GRID1: variants seen among roughly 807,000 people sequenced by gnomAD.
The protein encoded by GRID1 is glutamate receptor ionotropic, delta-1.
In GRID1, 28 loss-of-function variants were observed where a neutral mutation model predicts 98.0. The observed-to-expected ratio is 0.29, with a 90% confidence interval of 0.21 to 0.39. The LOEUF (loss-of-function observed/expected upper bound fraction) is 0.39. Among genes scored for constraint, GRID1 ranks in the 10% least tolerant of loss-of-function variants. GRID1 has a pLI of 1.00. For synonymous variants in GRID1, 553 were observed against 538.5 expected (o/e 1.03, Z -0.37); for missense variants, 1,111 against 1,340.5 (o/e 0.83, Z 2.67).
chr10:85,758,384 T>C (rs1026562834), intron 8 of GRID1, among the ~76,000 whole-genome samples: 2 of 152,200 alleles, frequency 1.3e-5, no homozygotes, highest in African/African-American at 4.8e-5. Flanking sequence ...GCAATTTCTT[T>C]CCAAGTTGAC....
At chr10:86,110,748 C>A (rs929965559) in intron 4 of GRID1, among the ~76,000 whole-genome samples, 7 of 152,196 alleles carry the variant, frequency 4.6e-5, no homozygotes, top group African/African-American at 1.7e-4. Context: ...ATGAGGTGGG[C>A]ACCCCAGAAG....
intron 6 of GRID1, among the ~76,000 whole-genome samples, chr10:85,863,497 GAAGGCA>G (rs1464436346): frequency 6.6e-6 from 1 of 152,244 alleles, no homozygotes; most frequent in African/African-American, 2.4e-5. Flanking sequence ...TTGAAACCAG[GAAGGCA>G]CTGACTTTCC....
Position 85,794,041 on chromosome 10 carries a change from C to T in GRID1, c.1233+60455G>A, listed in dbSNP as rs180767822. Among the ~76,000 whole-genome samples, 735 of 152,228 alleles carry T rather than the reference C, an allele frequency of 4.8e-3. 4 individuals carry two copies. Among genetic ancestry groups the T allele is most frequent in the African/African-American group, 0.017 (697 of 41,528 alleles). ...AGCATTTCCCATACTTAGTTCTCTCCGGGGTCTTTCCTTCAAGAAGCATCT... is the reference window on the plus strand; with the variant it reads ...AGCATTTCCCATACTTAGTTCTCTCTGGGGTCTTTCCTTCAAGAAGCATCT... On this transcript the variant is annotated intron_variant, in intron 8 of 15. Transcript: ENST00000327946.
Position 85,949,425 on chromosome 10 carries a change from C to T in GRID1, c.727-33186G>A, listed in dbSNP as rs190988339. ...TGCTTCTTTTTGTCATAAAACAATA[C>T]ATCATGAACATTTTCTCACTCTTTG... is the stretch of plus-strand genomic sequence containing the variant. On this transcript the variant is annotated intron_variant, in intron 4 of 15. Transcript: ENST00000327946. Among the ~76,000 whole-genome samples the T allele has an allele frequency of 3.3e-5, 5 of 152,252 alleles. No homozygotes were observed. The East Asian group carries it at 9.7e-4, about 29-fold the overall frequency.
intron 3 of GRID1, among the ~76,000 whole-genome samples, chr10:86,159,567 A>T (rs1364779216): frequency 6.6e-6 from 1 of 152,212 alleles, no homozygotes; most frequent in Admixed American, 6.5e-5. Flanking sequence ...CACAGTAAAG[A>T]CAACAATGAG....
intron 4 of GRID1, among the ~76,000 whole-genome samples, chr10:86,054,476 T>C (rs1396350423): frequency 3.9e-5 from 6 of 152,264 alleles, no homozygotes; most frequent in South Asian, 2.1e-4. Flanking sequence ...TCAAAAGCAG[T>C]GTCCTGCCAA....
intron 8 of GRID1, among the ~76,000 whole-genome samples, chr10:85,782,012 T>G (rs576215816): frequency 1.3e-5 from 2 of 152,218 alleles, no homozygotes; most frequent in Admixed American, 6.5e-5. Flanking sequence ...TAGTCTTTTT[T>G]GTCAAAATTA....
At chr10:85,610,834 T>C (rs1251560165) in intron 15 of GRID1, among the ~76,000 whole-genome samples, 1 of 152,176 alleles carries the variant, frequency 6.6e-6, no homozygotes, top group Non-Finnish European at 1.5e-5. Flanking sequence ...CATAAAAATA[T>C]GAAAAAGATG....
chr10:85,970,214 T>C (rs1212000347), intron 4 of GRID1, among the ~76,000 whole-genome samples: 2 of 152,084 alleles, frequency 1.3e-5, no homozygotes, highest in African/African-American at 4.8e-5. Flanking sequence ...CCCAGATGTC[T>C]TCACTGGCGA....
intron 13 of GRID1, among the ~76,000 whole-genome samples, chr10:85,630,770 T>C (rs1315739935): frequency 6.6e-6 from 1 of 152,128 alleles, no homozygotes; most frequent in Non-Finnish European, 1.5e-5. Flanking sequence ...ACCCACCAAA[T>C]AAGAGACTCT....
chr10:85,716,577 T>C (rs1841642003), intron 12 of GRID1, among the ~76,000 whole-genome samples: 1 of 148,876 alleles, frequency 6.7e-6, no homozygotes, highest in South Asian at 2.1e-4. Context: ...TAAAATAAAA[T>C]AAAAAAGAAA....
chr10:85,617,307 A>G (rs562055726), intron 14 of GRID1, among the ~76,000 whole-genome samples: 40 of 148,300 alleles, frequency 2.7e-4, no homozygotes, highest in Admixed American at 2.5e-3. Flanking sequence ...ATCTCAGCTC[A>G]CTGCAATCTC....
chr10:85,785,678 C>T (rs986419893), intron 8 of GRID1, among the ~76,000 whole-genome samples: 2 of 152,118 alleles, frequency 1.3e-5, no homozygotes, highest in African/African-American at 4.8e-5. Context: ...GTAAAGCAGC[C>T]TCATTGGACT....
At chr10:85,957,238 G>T (rs533897662) in intron 4 of GRID1, among the ~76,000 whole-genome samples, 1 of 152,194 alleles carries the variant, frequency 6.6e-6, no homozygotes, top group Non-Finnish European at 1.5e-5. Context: ...ATATCACACT[G>T]CCAAAGCTAT....
chr10:85,774,690 G>A lies in GRID1; in HGVS notation c.1234-45076C>T, dbSNP rs996349743. Among the ~76,000 whole-genome samples, 6 of 151,800 alleles carry A rather than the reference G, an allele frequency of 4.0e-5. No individual in the cohort carries two copies. The South Asian group carries it at 8.4e-4, about 21-fold the overall frequency. On this transcript the variant is annotated intron_variant, in intron 8 of 15. Coordinates refer to ENST00000327946, the MANE Select transcript of GRID1 (RefSeq NM_017551.3). Reference sequence around the variant, plus strand: ...GGACATGAACAGACACTTCTGAAAAGAAGACATTTATGCAGCCAAAAAACA... The same window carrying A: ...GGACATGAACAGACACTTCTGAAAAAAAGACATTTATGCAGCCAAAAAACA...
chr10:86,065,455 A>G (rs1843706786), intron 4 of GRID1, among the ~76,000 whole-genome samples: 1 of 152,204 alleles, frequency 6.6e-6, no homozygotes, highest in African/African-American at 2.4e-5. Context: ...CCTTGGCTCC[A>G]GCACAGCTGA....
Position 85,662,768 on chromosome 10 carries a change from G to A in GRID1, c.1998-15371C>T, listed in dbSNP as rs1392385970. On this transcript the variant is annotated intron_variant, in intron 12 of 15. Coordinates refer to ENST00000327946, the MANE Select transcript of GRID1 (RefSeq NM_017551.3). ...ATATCCACCATGCCGCCATGAAAAGGTTCTCTGTGTGAGGTTGGGATGAAT... is the reference window on the plus strand; with the variant it reads ...ATATCCACCATGCCGCCATGAAAAGATTCTCTGTGTGAGGTTGGGATGAAT... Among the ~76,000 whole-genome samples, 5 of 152,288 alleles carry A rather than the reference G, an allele frequency of 3.3e-5. No homozygotes were observed. In the East Asian group the frequency reaches 9.6e-4, roughly 29 times the overall value.
intron 2 of GRID1, among the ~76,000 whole-genome samples, chr10:86,244,712 A>C (rs1846693856): frequency 6.6e-6 from 1 of 152,202 alleles, no homozygotes; most frequent in African/African-American, 2.4e-5. Context: ...CCCCCTCCCT[A>C]ATGCCACATG....
chr10:86,258,469 T>C (rs1846960407), intron 2 of GRID1, among the ~76,000 whole-genome samples: 1 of 152,166 alleles, frequency 6.6e-6, no homozygotes, highest in Admixed American at 6.5e-5. Flanking sequence ...CAGCAAAAAG[T>C]GATTTTCCTC....
Sources: gnomAD v4.1 joint callset for allele counts (sites outside exome capture counted in the v4.1 genomes callset) on GRCh38, gnomAD v4.1.1 for gene constraint, MANE v1.5 for transcripts, NCBI Gene and HGNC (gene_info 2026-07-23, HGNC 2026-07-21) for gene names.